Variants in RPSA2 observed in about 807,000 individuals in gnomAD.
RPSA2 encodes the protein ribosomal protein SA 2.
the RPSA2 span, among the ~76,000 whole-genome samples, chr19:23,859,397 G>C: frequency 3.8e-4 from 58 of 152,292 alleles, no homozygotes; most frequent in African/African-American, 1.3e-3. Flanking sequence ...GGGAGGCTGT[G>C]GTGGGCGAAT....
the RPSA2 span, chr19:23,758,646 A>T: frequency 6.3e-7 from 1 of 1,577,938 alleles, no homozygotes; most frequent in Non-Finnish European, 8.7e-7. Flanking sequence ...CGCCTGGGCG[A>T]GGAGAACTCA....
the RPSA2 span, among the ~76,000 whole-genome samples, chr19:23,864,493 T>A: frequency 6.6e-6 from 1 of 152,052 alleles, no homozygotes; most frequent in African/African-American, 2.4e-5. Context: ...AGCAACACTA[T>A]AACAGTGCAA....
the RPSA2 span, among the ~76,000 whole-genome samples, chr19:23,867,729 C>T: frequency 6.6e-5 from 10 of 150,982 alleles, no homozygotes; most frequent in Non-Finnish European, 1.5e-4. Flanking sequence ...ACTCGGAAGG[C>T]TGAGGCAGGA....
chr19:23,767,853 G>T, the RPSA2 span, among the ~76,000 whole-genome samples: 2 of 131,072 alleles, frequency 1.5e-5, no homozygotes, highest in East Asian at 5.1e-4. Context: ...CACAACCTCC[G>T]CCTCCCGGGT....
At chr19:23,764,397 A>G in the RPSA2 span, among the ~76,000 whole-genome samples, 1 of 152,164 alleles carries the variant, frequency 6.6e-6, no homozygotes, top group African/African-American at 2.4e-5. Context: ...TTTATTGTGC[A>G]TTTCAGACAC....
chr19:23,812,729 T>G, the RPSA2 span, among the ~76,000 whole-genome samples: 1 of 152,144 alleles, frequency 6.6e-6, no homozygotes, highest in Non-Finnish European at 1.5e-5. Flanking sequence ...TGGTTTTATC[T>G]TGTCTAAGTG....
the RPSA2 span, among the ~76,000 whole-genome samples, chr19:23,771,293 G>A: frequency 6.6e-6 from 1 of 152,192 alleles, no homozygotes; most frequent in East Asian, 1.9e-4. Flanking sequence ...CCATAGAGAG[G>A]TCAGTGTCTC....
chr19:23,771,733 A>G, the RPSA2 span, among the ~76,000 whole-genome samples: 16 of 152,100 alleles, frequency 1.1e-4, no homozygotes, highest in Non-Finnish European at 2.4e-4. Flanking sequence ...TTTTCCCAAG[A>G]AGGGACTGTA....
At chr19:23,787,015 G>A in the RPSA2 span, among the ~76,000 whole-genome samples, 1 of 151,838 alleles carries the variant, frequency 6.6e-6, no homozygotes. Flanking sequence ...AGGAAAGATG[G>A]TTGACATATT....
At chr19:23,761,901 A>ATCCTTCCTTCCTTCCTTCCTTCC in the RPSA2 span, among the ~76,000 whole-genome samples, 19 of 34,028 alleles carry the variant, frequency 5.6e-4, 2 homozygotes, top group East Asian at 3.2e-3. Flanking sequence ...GGGTAACGTA[A>ATCCTTCCTTCCTTCCTTCCTTCC]TTCTTTCTTT....
the RPSA2 span, among the ~76,000 whole-genome samples, chr19:23,870,929 G>A: frequency 5.3e-5 from 8 of 152,192 alleles, no homozygotes; most frequent in African/African-American, 1.2e-4. Flanking sequence ...ACACTGGAAG[G>A]TATGCTAAGG....
the RPSA2 span, among the ~76,000 whole-genome samples, chr19:23,789,023 C>CTT: frequency 2.1e-4 from 27 of 129,426 alleles, no homozygotes; most frequent in Non-Finnish European, 2.5e-4. Flanking sequence ...TTCTTTCTTT[C>CTT]TTTTTTTTTT....
the RPSA2 span, among the ~76,000 whole-genome samples, chr19:23,772,770 C>G: frequency 6.6e-6 from 1 of 152,182 alleles, no homozygotes; most frequent in Non-Finnish European, 1.5e-5. Context: ...GGAATTGTGA[C>G]TGTCATATAT....
chr19:23,814,739 A>G, the RPSA2 span, among the ~76,000 whole-genome samples: 1 of 151,920 alleles, frequency 6.6e-6, no homozygotes, highest in Non-Finnish European at 1.5e-5. Context: ...TTATTTTCTT[A>G]TATTTTTGGA....
chr19:23,785,513 T>C, the RPSA2 span, among the ~76,000 whole-genome samples: 148,861 of 152,190 alleles, frequency 0.98, 72,897 homozygotes, highest in Middle Eastern at 1. Context: ...TTGCATGGCC[T>C]TTTACCATAG....
chr19:23,854,707 ATT>A, the RPSA2 span, among the ~76,000 whole-genome samples: 2 of 152,138 alleles, frequency 1.3e-5, no homozygotes, highest in African/African-American at 2.4e-5. Flanking sequence ...TAACAATGCA[ATT>A]TTTTTGAGTA....
At chr19:23,781,511 G>A in the RPSA2 span, among the ~76,000 whole-genome samples, 8 of 151,086 alleles carry the variant, frequency 5.3e-5, no homozygotes, top group African/African-American at 1.9e-4. Flanking sequence ...CTAATTTTTT[G>A]TATTTTTAGT....
the RPSA2 span, among the ~76,000 whole-genome samples, chr19:23,867,733 G>A: frequency 1.3e-5 from 2 of 151,758 alleles, no homozygotes; most frequent in Non-Finnish European, 1.5e-5. Context: ...GGAAGGCTGA[G>A]GCAGGAGAAT....
the RPSA2 span, among the ~76,000 whole-genome samples, chr19:23,768,909 C>T: frequency 6.6e-6 from 1 of 151,968 alleles, no homozygotes; most frequent in Non-Finnish European, 1.5e-5. Flanking sequence ...TTTTATGTGA[C>T]TCTTCTCTCT....
Sources: allele counts gnomAD v4.1 joint callset (sites outside exome capture counted in the v4.1 genomes callset), GRCh38; gene constraint gnomAD v4.1.1; transcripts MANE v1.5; gene names NCBI Gene and HGNC (gene_info 2026-07-23, HGNC 2026-07-21).